The following INSC variants were observed in gnomAD, a reference collection of about 807,000 sequenced individuals.
The protein encoded by INSC is INSC spindle orientation adaptor protein, also known as protein inscuteable homolog.
Under a neutral mutation model 58.6 loss-of-function variants are expected in INSC, and 67 were observed. The observed-to-expected ratio is 1.14, with a 90% CI of 0.94 to 1.40. The LOEUF is 1.40. Ranked by LOEUF, INSC falls within the 40% of genes most tolerant of loss-of-function variation. The pLI is 0.00. For missense variants in INSC, 714 were observed against 692.0 expected, an observed-to-expected ratio of 1.03 and a Z score of -0.36; for synonymous variants, 262 against 276.1, an observed-to-expected ratio of 0.95 and a Z score of 0.51.
chr11:15,247,458 A>G (rs1258003849), downstream of INSC, among the ~76,000 whole-genome samples: 1 of 152,154 alleles, frequency 6.6e-6, no homozygotes, highest in Non-Finnish European at 1.5e-5. Context: ...TACAAAGGTA[A>G]TGTCTAGGTC....
chr11:15,178,459 C>T lies in INSC; in HGVS notation c.579+12C>T, dbSNP rs774419330. 1 of 1,606,668 alleles carries T rather than the reference C, an allele frequency of 6.2e-7. No individual in the cohort carries two copies. Among genetic ancestry groups the T allele is most frequent in the Non-Finnish European group, 8.5e-7 (1 of 1,179,522 alleles). On this transcript the variant is annotated intron_variant, in intron 5 of 12. Transcript: ENST00000379556. ...CACGGGAGGTTCAGGTCAGTGCAGG[C>T]TGGGCTGCAGGGAGGGGTGCTTGTG...
chr11:15,243,948 A>C, intron 12 of INSC, among the ~76,000 whole-genome samples: 1 of 139,992 alleles, frequency 7.1e-6, no homozygotes, highest in East Asian at 2.1e-4. Flanking sequence ...CACCAAGTTC[A>C]TCTCTGTCTG....
chr11:15,191,560 C>T (rs1431510287), intron 6 of INSC, among the ~76,000 whole-genome samples: 1 of 152,132 alleles, frequency 6.6e-6, no homozygotes, highest in Non-Finnish European at 1.5e-5. Context: ...GTTTGTAAGA[C>T]ATGGGATGTC....
intron 1 of INSC, 40 bp from the exon 2 acceptor site, chr11:15,149,090 T>C: frequency 6.5e-7 from 1 of 1,526,864 alleles, no homozygotes; most frequent in South Asian, 1.3e-5. Flanking sequence ...GTGCCTCCTC[T>C]TTTAGGATCT....
In INSC at chr11:15,211,000, G is replaced by A. The variant is rs114860866; in HGVS notation, c.819+10051G>A. Among the ~76,000 whole-genome samples, 962 of 152,174 alleles carry A rather than the reference G, an allele frequency of 6.3e-3. 8 individuals carry two copies. Among genetic ancestry groups the A allele is most frequent in the African/African-American group, 0.022 (932 of 41,508 alleles). ...CACAACCTGCTGCCGGCAAGTGGTG[G>A]GTCCTCTGGTCACCCACAGAGATAA... On this transcript the variant is annotated intron_variant, in intron 7 of 12. Transcript: ENST00000379556.
chr11:15,256,980 C>G, the INSC span, among the ~76,000 whole-genome samples: 2 of 152,186 alleles, frequency 1.3e-5, no homozygotes, highest in African/African-American at 4.8e-5. Context: ...CTCTCCCAAA[C>G]CAGATACAAA....
In INSC at chr11:15,175,765, A is replaced by G; in HGVS notation, c.81A>G (p.Ser27=). The change falls in exon 3 of 13, where the codon TCA becomes TCG. Residue 27 remains serine, a synonymous_variant. Transcript: ENST00000379556. ...GQRLHLMQVD[S]VQRWMEDLKL... Reference sequence around the variant, plus strand: ...GGCTACACCTGATGCAGGTGGACTCAGTCCAGCGCTGGATGGAAGATCTGA... The same window carrying G: ...GGCTACACCTGATGCAGGTGGACTCGGTCCAGCGCTGGATGGAAGATCTGA... 6.4e-7 allele frequency: 1 copy of G among 1,570,712 alleles called. No homozygotes were observed. The highest frequency in any genetic ancestry group is 8.7e-7 in the Non-Finnish European group (1 of 1,149,898).
At chr11:15,197,268 T>C (rs116238212) in intron 6 of INSC, among the ~76,000 whole-genome samples, 1,550 of 152,298 alleles carry the variant, frequency 0.01, 31 homozygotes, top group African/African-American at 0.035. Flanking sequence ...GACAGAGTGT[T>C]GAAGCAGAGA....
chr11:15,200,924 A>C lies in INSC; in HGVS notation c.794A>C (p.Glu265Ala). 1 of 1,611,106 alleles carries C rather than the reference A, an allele frequency of 6.2e-7. No individual in the cohort carries two copies. Among genetic ancestry groups the C allele is most frequent in the African/African-American group, 1.3e-5 (1 of 74,912 alleles). ...LRTLASICCV[E>A]EGVHQLEKVD... ...ACGCTGGCCTCCATCTGCTGCGTGGAAGAGGGTGTCCACCAGCTGGAGAAG... is the reference window on the plus strand; with the variant it reads ...ACGCTGGCCTCCATCTGCTGCGTGGCAGAGGGTGTCCACCAGCTGGAGAAG... Residue 265 changes from glutamate to alanine, a missense_variant, in exon 7 of 13, where the codon GAA becomes GCA. Transcript: ENST00000379556.
intron 9 of INSC, 63 bp from the exon 10 acceptor site, chr11:15,235,539 G>T (rs761185469): frequency 1.5e-6 from 2 of 1,303,462 alleles, no homozygotes; most frequent in Non-Finnish European, 2.2e-6. Context: ...TGACCTGTCT[G>T]TAGGGAGGAC....
intron 10 of INSC, among the ~76,000 whole-genome samples, chr11:15,237,903 A>G (rs752818596): frequency 9.9e-5 from 15 of 152,170 alleles, no homozygotes; most frequent in Non-Finnish European, 2.1e-4. Flanking sequence ...TCCAGTTAGC[A>G]CACTATCAAA....
At chr11:15,122,135 T>C (rs907836739) in intron 1 of INSC, among the ~76,000 whole-genome samples, 2 of 152,222 alleles carry the variant, frequency 1.3e-5, no homozygotes, top group Non-Finnish European at 2.9e-5. Context: ...CATATATGTA[T>C]ATTTATTTCT....
chr11:15,159,276 G>T (rs1022961979), intron 2 of INSC, among the ~76,000 whole-genome samples: 4 of 152,148 alleles, frequency 2.6e-5, no homozygotes, highest in Non-Finnish European at 4.4e-5. Flanking sequence ...GTAGATGGTG[G>T]AGAGACTGGC....
chr11:15,205,464 A>G (rs972153222), intron 7 of INSC, among the ~76,000 whole-genome samples: 2 of 152,246 alleles, frequency 1.3e-5, no homozygotes, highest in Non-Finnish European at 2.9e-5. Context: ...TATAAAATCT[A>G]CCTCATGTAT....
At chr11:15,149,260 G>T in intron 2 of INSC, 30 bp downstream of exon 2, 1 of 1,501,156 alleles carries the variant, frequency 6.7e-7, no homozygotes, top group Non-Finnish European at 8.9e-7. Flanking sequence ...CTCCAGGCCA[G>T]GCCTGCCCCA....
the INSC span, among the ~76,000 whole-genome samples, chr11:15,261,768 C>T: frequency 5.4e-3 from 819 of 152,078 alleles, 8 homozygotes; most frequent in African/African-American, 0.017. Context: ...GGAAAATTAG[C>T]GGGAAAATGG....
rs1372796095 is a variant in INSC, at chr11:15,241,620, G to C, written c.1470+1097G>C. On this transcript the variant is annotated intron_variant, in intron 12 of 12. Coordinates refer to ENST00000379556, the MANE Select transcript of INSC (RefSeq NM_001042536.3). ...AGACAAACATCTCTGCCCTCCTGCTGTGGTTTTTATTTTGGCACATTCAAG... is the reference window on the plus strand; with the variant it reads ...AGACAAACATCTCTGCCCTCCTGCTCTGGTTTTTATTTTGGCACATTCAAG... 1.0e-5 allele frequency: 7 copies of C among 702,984 alleles called. No individual in the cohort carries two copies. In the East Asian group the frequency reaches 1.6e-4, roughly 16 times the overall value. The allele number at this position is 702,984 out of a possible 1,614,324, so 43.5% of individuals were successfully genotyped here. A position where few individuals can be genotyped will look rare whatever the true frequency, so the allele number is the denominator to read the frequency against.
intron 2 of INSC, among the ~76,000 whole-genome samples, chr11:15,172,712 T>C (rs1480828448): frequency 6.6e-6 from 1 of 152,066 alleles, no homozygotes; most frequent in Non-Finnish European, 1.5e-5. Context: ...CTGCAGAGGA[T>C]TGTGAAAGAG....
intron 1 of INSC, among the ~76,000 whole-genome samples, chr11:15,120,251 G>C (rs1241758155): frequency 6.6e-6 from 1 of 152,216 alleles, no homozygotes; most frequent in East Asian, 1.9e-4. Flanking sequence ...ATCATTTGCT[G>C]TGCCAGGGTC....
Sources: gnomAD v4.1 joint callset for allele counts (sites outside exome capture counted in the v4.1 genomes callset) on GRCh38, gnomAD v4.1.1 for gene constraint, MANE v1.5 for transcripts, NCBI Gene and HGNC (gene_info 2026-07-23, HGNC 2026-07-21) for gene names.